POGK: variants seen among roughly 807,000 people sequenced by gnomAD.
POGK encodes pogo transposable element with KRAB domain.
In POGK, 16 loss-of-function variants were observed where a neutral mutation model predicts 54.4. The ratio of observed to expected loss-of-function variants is 0.29; its 90% CI spans 0.20 to 0.45. The LOEUF is 0.45. Ranked by LOEUF, POGK falls within the 20% of genes least tolerant of loss-of-function variation. The pLI is 1.00. For missense variants in POGK, 515 were observed against 795.6 expected, an observed-to-expected ratio of 0.65 and a Z score of 4.24; for synonymous variants, 271 against 302.2, an observed-to-expected ratio of 0.90 and a Z score of 1.07.
intron 2 of POGK, among the ~76,000 whole-genome samples, chr1:166,843,783 C>T (rs1185907745): frequency 1.3e-5 from 2 of 152,206 alleles, no homozygotes; most frequent in Non-Finnish European, 2.9e-5. Flanking sequence ...ACTTCCTGAG[C>T]AGAGCAAGGC....
At chr1:166,843,313 A>C (rs10800267) in intron 2 of POGK, among the ~76,000 whole-genome samples, 56,133 of 152,144 alleles carry the variant, frequency 0.37, 10,426 homozygotes, top group Middle Eastern at 0.52. Flanking sequence ...GCCAGCCAGG[A>C]GGACATGCAG....
intron 4 of POGK, 100 bp from the exon 5 acceptor site, chr1:166,848,838 T>C (rs113634233): frequency 6.9e-7 from 1 of 1,440,888 alleles, no homozygotes; most frequent in South Asian, 1.4e-5. Context: ...TTTGGTGAAC[T>C]TCAGATTAAG....
At chr1:166,844,702 A>G (rs1010249347) in intron 2 of POGK, among the ~76,000 whole-genome samples, 9 of 152,226 alleles carry the variant, frequency 5.9e-5, no homozygotes, top group Non-Finnish European at 7.3e-5. Flanking sequence ...TCCTCGGCTT[A>G]GGGAAGCAAA....
In POGK at chr1:166,855,020, G is replaced by A. The variant is rs894290516; in HGVS notation, c.*2450G>A. The A allele has an allele frequency of 1.3e-5, 2 of 150,710 alleles. No individual in the cohort carries two copies. Among genetic ancestry groups the A allele is most frequent in the Non-Finnish European group, 2.9e-5 (2 of 68,030 alleles). 9.3% of individuals were successfully genotyped at this position (150,710 alleles called of 1,614,324 possible). ...ATGAGTCAAAGGCATGGTAGGACAC[G>A]GCATTTACCTGTGGTCATCACTTCA... On this transcript the variant is annotated 3_prime_UTR_variant, in exon 6 of 6. Transcript: ENST00000367876.
At chr1:166,843,711 G>A (rs552200418) in intron 2 of POGK, among the ~76,000 whole-genome samples, 49 of 152,204 alleles carry the variant, frequency 3.2e-4, no homozygotes, top group Non-Finnish European at 5.1e-4. Context: ...AGGCTTTAGC[G>A]AGGCTGTGCA....
Position 166,849,689 on chromosome 1 carries a change from A to G in POGK, c.1110A>G (p.Leu370=). The change falls in exon 5 of 6, where the codon TTA becomes TTG. Residue 370 remains leucine, a synonymous_variant. Transcript: ENST00000367876. ...MGNADETPIC[L]EVPSRVTVDN... ...ATGCAGATGAGACGCCCATTTGTTT[A>G]GAGGTGCCATCACGGGTAACTGTTG... is the stretch of plus-strand genomic sequence containing the variant. The G allele has an allele frequency of 6.2e-7, 1 of 1,614,266 alleles. No individual in the cohort carries two copies. Among genetic ancestry groups the G allele is most frequent in the Non-Finnish European group, 8.5e-7 (1 of 1,180,044 alleles).
chr1:166,849,726 GA>G lies in POGK; in HGVS notation c.1151del (p.Lys384SerfsTer13). 1 of 1,614,264 alleles carries G rather than the reference GA, an allele frequency of 6.2e-7. No homozygotes were observed. The highest frequency in any genetic ancestry group is 8.5e-7 in the Non-Finnish European group (1 of 1,180,060). On this transcript the variant is annotated frameshift_variant, in exon 5 of 6. Transcript: ENST00000367876. LOFTEE classifies it high-confidence loss of function. ...PSRVTVDNQG[E>X]KPVLVKTPGR... ...ACGGGTAACTGTTGATAACCAGGGC[GA>G]AAAGCCTGTCTTGGTCAAGACACCA... is the stretch of plus-strand genomic sequence containing the variant.
At chr1:166,850,517 C>G in intron 5 of POGK, 94 bp downstream of exon 5, 1 of 1,384,788 alleles carries the variant, frequency 7.2e-7, no homozygotes, top group Non-Finnish European at 9.6e-7. Flanking sequence ...TTTAAGTTCC[C>G]TTAGAGCCTA....
At chr1:166,844,644 C>T (rs1000845448) in intron 2 of POGK, among the ~76,000 whole-genome samples, 4 of 152,154 alleles carry the variant, frequency 2.6e-5, no homozygotes, top group South Asian at 2.1e-4. Flanking sequence ...TTGCCTAGAT[C>T]GTATATTCAA....
At position 166,852,969 on chromosome 1, in the gene POGK, A is replaced by G. The variant is rs1464140606; in HGVS notation, c.*399A>G. On this transcript the variant is annotated 3_prime_UTR_variant, in exon 6 of 6. Coordinates refer to ENST00000367876, the MANE Select transcript of POGK (RefSeq NM_017542.5). Reference sequence around the variant, plus strand: ...ACGAGGGACTCATCATATGGGCACAACTCTGGTGTCCTTCTATGGAGAAAA... The same window carrying G: ...ACGAGGGACTCATCATATGGGCACAGCTCTGGTGTCCTTCTATGGAGAAAA... 1 of 152,240 alleles carries G rather than the reference A, an allele frequency of 6.6e-6. No individual in the cohort carries two copies. The highest frequency in any genetic ancestry group is 6.5e-5 in the Admixed American group (1 of 15,290). The allele number at this position is 152,240 out of a possible 1,614,324, so 9.4% of individuals were successfully genotyped here.
In POGK at chr1:166,839,522, G is replaced by T. The variant is rs977986467; in HGVS notation, c.-85G>T. ...CGAGGGGCCGCGCGCACGGGAGGAC[G>T]GAGAGGCGGAAAGGATGGCGCTGTG... On this transcript the variant is annotated 5_prime_UTR_variant, in exon 1 of 6. Transcript: ENST00000367876. The T allele has an allele frequency of 6.6e-6, 1 of 151,628 alleles. No individual in the cohort carries two copies. Among genetic ancestry groups the T allele is most frequent in the Non-Finnish European group, 1.5e-5 (1 of 67,860 alleles). 9.4% of individuals were successfully genotyped at this position (151,628 alleles called of 1,614,324 possible). A position where few individuals can be genotyped will look rare whatever the true frequency, so the allele number is the denominator to read the frequency against.
intron 2 of POGK, among the ~76,000 whole-genome samples, chr1:166,841,912 A>G (rs56290988): frequency 0.039 from 5,920 of 152,162 alleles, 183 homozygotes; most frequent in African/African-American, 0.082. Context: ...AAGGTTACAC[A>G]TGAACACTGA....
chr1:166,850,413 G>A lies in POGK; in HGVS notation c.*4G>A. On this transcript the variant is annotated 3_prime_UTR_variant, in exon 5 of 6. Transcript: ENST00000367876. ...AAGCATGGCTGAGAGCAACTGAAGG[G>A]AAAGGGAAAGGTAACCACTCAGGAG... is the stretch of plus-strand genomic sequence containing the variant. The A allele has an allele frequency of 6.3e-7, 1 of 1,597,024 alleles. No homozygotes were observed. Among genetic ancestry groups the A allele is most frequent in the Non-Finnish European group, 8.5e-7 (1 of 1,174,582 alleles).
intron 3 of POGK, 56 bp from the exon 4 acceptor site, chr1:166,847,438 G>A: frequency 4.5e-6 from 6 of 1,338,580 alleles, no homozygotes; most frequent in Non-Finnish European, 6.3e-6. Context: ...ACTTATTTTG[G>A]TAGTGCTCCA....
In POGK at chr1:166,846,713, G is replaced by T; in HGVS notation, c.234G>T (p.Met78Ile). ...CCCTCTACCGGGAAGTCATGAGGAT[G>T]AATTATGAAACTGTCCTGTCCCTGG... Reference protein sequence around the residue: ...QKALYREVMRMNYETVLSLEF... With the variant: ...QKALYREVMRINYETVLSLEF... Residue 78 changes from methionine (M) to isoleucine (I), a missense_variant, in exon 3 of 6, where the codon ATG (methionine) becomes ATT (isoleucine). Physicochemically the swap from Met to Ile is conservative, Grantham distance 10. Coordinates refer to ENST00000367876, the MANE Select transcript of POGK (RefSeq NM_017542.5). 3 of 1,614,172 alleles carry T rather than the reference G, an allele frequency of 1.9e-6. No individual in the cohort carries two copies. Among genetic ancestry groups the T allele is most frequent in the Non-Finnish European group, 2.5e-6 (3 of 1,180,040 alleles).
chr1:166,850,527 A>G, intron 5 of POGK, 104 bp downstream of exon 5: 2 of 1,317,542 alleles, frequency 1.5e-6, no homozygotes, highest in Non-Finnish European at 2.0e-6. Flanking sequence ...CTTAGAGCCT[A>G]CAGTGCAGTA....
chr1:166,840,570 C>T (rs1445177276), intron 1 of POGK: 1 of 161,756 alleles, frequency 6.2e-6, no homozygotes, highest in Non-Finnish European at 1.3e-5. Context: ...GCACCTTTCC[C>T]CTGCCTCTGA....
At position 166,840,983 on chromosome 1, in the gene POGK, T is replaced by G; in HGVS notation, c.27T>G (p.Asn9Lys). Residue 9 changes from asparagine to lysine, a missense_variant, in exon 2 of 6, where the codon AAT becomes AAG. Asn to Lys is a moderately conservative substitution (Grantham distance 94). Around this residue, in one of 2 missense-constraint regions of POGK, gnomAD observed 54 missense variants for 52.0 expected, o/e 1.04. Transcript: ENST00000367876. MESTAYPL[N>K]LSLKEEEEEE... is the part of the protein sequence containing the mutation. Reference sequence around the variant, plus strand: ...TGGAGTCCACAGCCTACCCTCTCAATTTGAGCCTGAAAGAAGAGGAAGAGG... The same window carrying G: ...TGGAGTCCACAGCCTACCCTCTCAAGTTGAGCCTGAAAGAAGAGGAAGAGG... 6.2e-7 allele frequency: 1 copy of G among 1,613,944 alleles called. No homozygotes were observed. The highest frequency in any genetic ancestry group is 1.1e-5 in the South Asian group (1 of 91,070).
rs147708165 is a variant in POGK, at chr1:166,848,954, C to T, written c.375C>T (p.Asp125=). Residue 125 remains aspartate (D), a synonymous_variant, in exon 5 of 6, where the codon GAC becomes GAT. Transcript: ENST00000367876. The stretch of plus-strand genomic sequence containing the variant: ...GTCTCCCAGAAAATGAAGAATCTGA[C>T]GTAAAGCCTCCAGACTGGCCAAACC... ...GGTSAENEES[D]VKPPDWPNPM... is the part of the protein sequence containing the mutation. 100 of 1,597,224 alleles carry T rather than the reference C, an allele frequency of 6.3e-5. No homozygotes were observed. The highest frequency in any genetic ancestry group is 1.5e-4 in the African/African-American group (11 of 74,146).
Sources: allele counts gnomAD v4.1 joint callset (sites outside exome capture counted in the v4.1 genomes callset), GRCh38; gene constraint gnomAD v4.1.1; regional missense constraint gnomAD v4.1.1; transcripts MANE v1.5; gene names NCBI Gene and HGNC (gene_info 2026-07-23, HGNC 2026-07-21).